CACNB2: variants seen among roughly 807,000 people sequenced by gnomAD.
CACNB2 encodes the protein calcium voltage-gated channel auxiliary subunit beta 2.
Under a neutral mutation model 73.3 loss-of-function variants are expected in CACNB2, and 42 were observed. That is an observed-to-expected ratio of 0.57 (90% CI 0.45 to 0.74). CACNB2 has a LOEUF of 0.74. CACNB2 is among the 30% of genes least tolerant of loss of function. CACNB2 has a pLI of 0.00. For synonymous variants in CACNB2, 348 were observed against 310.3 expected, an observed-to-expected ratio of 1.12 and a Z score of -1.28; for missense variants, 940 against 853.0, an observed-to-expected ratio of 1.10 and a Z score of -1.27.
At chr10:18,463,638 G>A (rs1312672561) in intron 3 of CACNB2, among the ~76,000 whole-genome samples, 2 of 151,298 alleles carry the variant, frequency 1.3e-5, no homozygotes, top group African/African-American at 2.4e-5. Flanking sequence ...TTTTGCCATG[G>A]TGCCCAGACT....
At chr10:18,330,484 C>G (rs1225688854) in intron 2 of CACNB2, among the ~76,000 whole-genome samples, 1 of 151,918 alleles carries the variant, frequency 6.6e-6, no homozygotes, top group Non-Finnish European at 1.5e-5. Context: ...TCTGTCTCTA[C>G]AAAACATTGA....
chr10:18,264,208 G>A (rs1055464298), intron 2 of CACNB2, among the ~76,000 whole-genome samples: 4 of 152,078 alleles, frequency 2.6e-5, no homozygotes, highest in African/African-American at 9.7e-5. Flanking sequence ...CATAATAGGT[G>A]TATATATTTA....
chr10:18,460,659 G>A (rs1425959511), intron 3 of CACNB2, among the ~76,000 whole-genome samples: 3 of 152,058 alleles, frequency 2.0e-5, no homozygotes, highest in African/African-American at 7.2e-5. Flanking sequence ...GGGAGGTCAA[G>A]GCGGGAAGAT....
chr10:18,251,543 C>T (rs576568199), intron 2 of CACNB2, among the ~76,000 whole-genome samples: 11 of 152,284 alleles, frequency 7.2e-5, no homozygotes, highest in East Asian at 3.9e-4. Flanking sequence ...CCACCATGCC[C>T]GGCCTCAACT....
chr10:18,150,788 G>T, intron 1 of CACNB2, 95 bp from the exon 2 acceptor site: 1 of 730,880 alleles, frequency 1.4e-6, no homozygotes, highest in South Asian at 1.8e-5. Context: ...ACTTGTTTTT[G>T]GTCTTTGACA....
intron 3 of CACNB2, among the ~76,000 whole-genome samples, chr10:18,445,074 A>C (rs1043971935): frequency 1.3e-5 from 2 of 152,176 alleles, no homozygotes; most frequent in East Asian, 3.8e-4. Context: ...GTTTTTCCCT[A>C]CCACAAGTAT....
chr10:18,503,309 C>T (rs1203117845), intron 5 of CACNB2, among the ~76,000 whole-genome samples: 1 of 152,050 alleles, frequency 6.6e-6, no homozygotes, highest in Non-Finnish European at 1.5e-5. Context: ...GCTAATGAAA[C>T]CTTATGGCCA....
At chr10:18,345,372 T>C (rs2132097249) in intron 2 of CACNB2, among the ~76,000 whole-genome samples, 1 of 152,350 alleles carries the variant, frequency 6.6e-6, no homozygotes. Flanking sequence ...TACAGCATTG[T>C]TTTAATTTCT....
intron 2 of CACNB2, among the ~76,000 whole-genome samples, chr10:18,285,337 G>T (rs2038740901): frequency 1.3e-5 from 2 of 152,166 alleles, no homozygotes; most frequent in Admixed American, 1.3e-4. Context: ...TTCTTGGGAT[G>T]CTGTCTCTTG....
intron 2 of CACNB2, chr10:18,238,664 A>G (rs1031867852): frequency 1.3e-5 from 2 of 152,350 alleles, no homozygotes; most frequent in South Asian, 2.1e-4. Flanking sequence ...ATGGGATTGT[A>G]GTGATTCAAA....
At chr10:18,211,759 A>G (rs921826462) in intron 2 of CACNB2, among the ~76,000 whole-genome samples, 1 of 152,198 alleles carries the variant, frequency 6.6e-6, no homozygotes, top group Admixed American at 6.5e-5. Flanking sequence ...AATGTTACAC[A>G]TGGAGCAGTT....
At chr10:18,319,144 A>G (rs2040303310) in intron 2 of CACNB2, among the ~76,000 whole-genome samples, 1 of 152,198 alleles carries the variant, frequency 6.6e-6, no homozygotes, top group Non-Finnish European at 1.5e-5. Context: ...AGACACATGC[A>G]CACGTACATT....
At chr10:18,280,773 T>G (rs989998867) in intron 2 of CACNB2, among the ~76,000 whole-genome samples, 4 of 152,242 alleles carry the variant, frequency 2.6e-5, no homozygotes, top group Non-Finnish European at 5.9e-5. Flanking sequence ...ATTACCTTTC[T>G]CTTACAAAAC....
intron 3 of CACNB2, among the ~76,000 whole-genome samples, chr10:18,492,298 C>G (rs547636343): frequency 1.7e-3 from 254 of 152,246 alleles, no homozygotes; most frequent in African/African-American, 5.7e-3. Flanking sequence ...CAAACCATAT[C>G]AAGATAGAAC....
At position 18,457,854 on chromosome 10, in the gene CACNB2, T is replaced by C. The variant is rs192445123; in HGVS notation, c.334-40501T>C. On this transcript the variant is annotated intron_variant, in intron 3 of 13. Coordinates refer to ENST00000324631, the MANE Select transcript of CACNB2 (RefSeq NM_201596.3). ...GTGGTGAGCCAAGATTGCACCATTGTACTCCAGCCTGGGTGACAAGAGCAA... is the reference window on the plus strand; with the variant it reads ...GTGGTGAGCCAAGATTGCACCATTGCACTCCAGCCTGGGTGACAAGAGCAA... Among the ~76,000 whole-genome samples the C allele has an allele frequency of 9.5e-3, 1,443 of 152,064 alleles. 90 individuals are homozygous for C. The highest frequency in any genetic ancestry group is 0.09 in the Admixed American group (1,375 of 15,252).
intron 2 of CACNB2, among the ~76,000 whole-genome samples, chr10:18,220,233 A>AGAGAGGGGGGGG (rs2035722501): frequency 1.1e-4 from 3 of 27,096 alleles, no homozygotes; most frequent in African/African-American, 6.4e-4. Context: ...ATATATATAT[A>AGAGAGGGGGGGG]GAGAGAGAGA....
In CACNB2 at chr10:18,484,451, C is replaced by A. The variant is rs966370392; in HGVS notation, c.334-13904C>A. On this transcript the variant is annotated intron_variant, in intron 3 of 13. Coordinates refer to ENST00000324631, the MANE Select transcript of CACNB2 (RefSeq NM_201596.3). Reference sequence around the variant, plus strand: ...GAAAACCAACTAAGAAATGGGAGAGCTAAGTGAGTGAAGTGTAACTGATAA... The same window carrying A: ...GAAAACCAACTAAGAAATGGGAGAGATAAGTGAGTGAAGTGTAACTGATAA... Among the ~76,000 whole-genome samples, 67 of 151,622 alleles carry A rather than the reference C, an allele frequency of 4.4e-4. 1 individual carries two copies. The highest frequency in any genetic ancestry group is 4.4e-3 in the Admixed American group (67 of 15,176).
intron 2 of CACNB2, among the ~76,000 whole-genome samples, chr10:18,241,025 C>T (rs1237232361): frequency 2.6e-5 from 4 of 152,168 alleles, no homozygotes; most frequent in Non-Finnish European, 5.9e-5. Flanking sequence ...CTCTGCTCAG[C>T]GAGATAAATG....
At chr10:18,184,645 CTTTGTTT>C (rs1342678088) in intron 2 of CACNB2, among the ~76,000 whole-genome samples, 4 of 59,132 alleles carry the variant, frequency 6.8e-5, no homozygotes, top group Non-Finnish European at 9.1e-5. Flanking sequence ...GTTTCTCAGA[CTTTGTTT>C]TTTTTTTTTT....
Sources: gnomAD v4.1 joint callset for allele counts (sites outside exome capture counted in the v4.1 genomes callset) on GRCh38, gnomAD v4.1.1 for gene constraint, MANE v1.5 for transcripts, NCBI Gene and HGNC (gene_info 2026-07-23, HGNC 2026-07-21) for gene names.